SLC1A2: variants seen among roughly 807,000 people sequenced by gnomAD.
SLC1A2 encodes the protein excitatory amino acid transporter 2.
A neutral mutation model predicts 48.8 loss-of-function variants in SLC1A2; 15 were observed. The ratio of observed to expected loss-of-function variants is 0.31; its 90% CI spans 0.21 to 0.47. The LOEUF is 0.47. SLC1A2 is among the 20% of genes least tolerant of loss of function. SLC1A2 has a pLI of 0.99. For missense variants in SLC1A2, 502 were observed against 730.5 expected, an observed-to-expected ratio of 0.69 and a Z score of 3.61; for synonymous variants, 279 against 272.6, an observed-to-expected ratio of 1.02 and a Z score of -0.23.
chr11:35,333,348 C>G (rs1245711532), intron 1 of SLC1A2, among the ~76,000 whole-genome samples: 1 of 150,064 alleles, frequency 6.7e-6, no homozygotes, highest in African/African-American at 2.5e-5. Context: ...ACCTGGGAGG[C>G]GGAGGCAGCA....
At chr11:35,295,425 T>C (rs1851141429) in intron 6 of SLC1A2, among the ~76,000 whole-genome samples, 1 of 152,114 alleles carries the variant, frequency 6.6e-6, no homozygotes, top group South Asian at 2.1e-4. Flanking sequence ...TATCAATGAA[T>C]TACCTAATTG....
At chr11:35,407,100 A>G (rs983421400) in intron 1 of SLC1A2, among the ~76,000 whole-genome samples, 2 of 151,908 alleles carry the variant, frequency 1.3e-5, no homozygotes. Context: ...AAAAAAAAAA[A>G]CAGCAAGCAC....
At chr11:35,404,758 G>A (rs557153749) in intron 1 of SLC1A2, among the ~76,000 whole-genome samples, 2 of 152,290 alleles carry the variant, frequency 1.3e-5, no homozygotes, top group South Asian at 4.1e-4. Flanking sequence ...GAGTTTACTT[G>A]CCTTGAACCC....
At chr11:35,373,989 T>C (rs1164662504) in intron 1 of SLC1A2, among the ~76,000 whole-genome samples, 1 of 152,268 alleles carries the variant, frequency 6.6e-6, no homozygotes, top group African/African-American at 2.4e-5. Flanking sequence ...GTCTTAGCTG[T>C]GTGATCTTGA....
In SLC1A2 at chr11:35,255,698, C is replaced by T. The variant is rs1047220610; in HGVS notation, c.*5196G>A. On this transcript the variant is annotated 3_prime_UTR_variant, in exon 11 of 11. Coordinates refer to ENST00000278379, the MANE Select transcript of SLC1A2 (RefSeq NM_004171.4). The stretch of plus-strand genomic sequence containing the variant: ...CAATGATGCAACAGCTTGAGTGAGG[C>T]TGTAGGTTCATCCAGTCCTCTCATG... The T allele has an allele frequency of 6.6e-6, 1 of 152,204 alleles. No individual in the cohort carries two copies. The highest frequency in any genetic ancestry group is 6.5e-5 in the Admixed American group (1 of 15,282). 9.4% of individuals were successfully genotyped at this position (152,204 alleles called of 1,614,324 possible).
chr11:35,390,373 A>G (rs1340393343), intron 1 of SLC1A2, among the ~76,000 whole-genome samples: 1 of 152,138 alleles, frequency 6.6e-6, no homozygotes, highest in Non-Finnish European at 1.5e-5. Flanking sequence ...GATAGTTTCT[A>G]TTCTCCTCCA....
intron 1 of SLC1A2, among the ~76,000 whole-genome samples, chr11:35,327,249 G>C (rs1362430669): frequency 6.6e-6 from 1 of 151,828 alleles, no homozygotes; most frequent in Non-Finnish European, 1.5e-5. Context: ...TGCTAAACTT[G>C]AGCTAAAGTT....
Position 35,292,307 on chromosome 11 carries a change from A to C in SLC1A2, c.1071T>G (p.Thr357=). The C allele has an allele frequency of 1.2e-6, 2 of 1,613,560 alleles. No individual in the cohort carries two copies. The highest frequency in any genetic ancestry group is 1.7e-6 in the Non-Finnish European group (2 of 1,179,482). The stretch of plus-strand genomic sequence containing the variant: ...TCTACCTGGAAGCGGTGCCCAGGGC[A>C]GTGATCCAAGCTTGGAAAATGCCAG... The part of the protein sequence containing the change: ...FFAGIFQAWI[T]ALGTASSAGT... The change falls in exon 7 of 11, where the codon ACT becomes ACG. Residue 357 remains threonine (T), a synonymous_variant. Coordinates refer to ENST00000278379, the MANE Select transcript of SLC1A2 (RefSeq NM_004171.4).
intron 1 of SLC1A2, among the ~76,000 whole-genome samples, chr11:35,381,510 CCA>C (rs796517852): frequency 1.4e-4 from 22 of 152,222 alleles, no homozygotes; most frequent in African/African-American, 5.1e-4. Flanking sequence ...CCTAGACATC[CCA>C]GTTACCTTAC....
intron 1 of SLC1A2, among the ~76,000 whole-genome samples, chr11:35,346,932 G>T (rs1853059265): frequency 6.6e-6 from 1 of 152,244 alleles, no homozygotes; most frequent in African/African-American, 2.4e-5. Context: ...TAGGCAAGGA[G>T]CTGGGACTGG....
At chr11:35,383,369 T>C (rs897987748) in intron 1 of SLC1A2, among the ~76,000 whole-genome samples, 1 of 152,184 alleles carries the variant, frequency 6.6e-6, no homozygotes. Context: ...TAATGGTTAT[T>C]ATGAAAGAAA....
At position 35,255,636 on chromosome 11, in the gene SLC1A2, T is replaced by C. The variant is rs1179378600; in HGVS notation, c.*5258A>G. On this transcript the variant is annotated 3_prime_UTR_variant, in exon 11 of 11. Coordinates refer to ENST00000278379, the MANE Select transcript of SLC1A2 (RefSeq NM_004171.4). Reference sequence around the variant, plus strand: ...TAGAATTGTTGGAGAAAATTGTGTGTTTTGGGTATTCAGAGAGGGCTCTGT... The same window carrying C: ...TAGAATTGTTGGAGAAAATTGTGTGCTTTGGGTATTCAGAGAGGGCTCTGT... 1 of 152,158 alleles carries C rather than the reference T, an allele frequency of 6.6e-6. No homozygotes were observed. Among genetic ancestry groups the C allele is most frequent in the Admixed American group, 6.5e-5 (1 of 15,270 alleles). The allele number at this position is 152,158 out of a possible 1,614,324, so 9.4% of individuals were successfully genotyped here.
chr11:35,296,706 T>A (rs1238943326), intron 6 of SLC1A2, among the ~76,000 whole-genome samples: 1 of 152,124 alleles, frequency 6.6e-6, no homozygotes, highest in Non-Finnish European at 1.5e-5. Context: ...CTTCTTCCTC[T>A]TGGAATATTC....
intron 1 of SLC1A2, among the ~76,000 whole-genome samples, chr11:35,365,057 G>C (rs1853795778): frequency 6.6e-6 from 1 of 152,208 alleles, no homozygotes; most frequent in Non-Finnish European, 1.5e-5. Context: ...CTGTTTAACA[G>C]GTCAAGAAAC....
At chr11:35,363,538 T>C (rs1426284167) in intron 1 of SLC1A2, among the ~76,000 whole-genome samples, 1 of 151,862 alleles carries the variant, frequency 6.6e-6, no homozygotes, top group Non-Finnish European at 1.5e-5. Flanking sequence ...GGATACAAGT[T>C]CCCCCAGGGA....
At chr11:35,388,898 G>T (rs1854669264) in intron 1 of SLC1A2, among the ~76,000 whole-genome samples, 1 of 152,124 alleles carries the variant, frequency 6.6e-6, no homozygotes, top group Admixed American at 6.5e-5. Flanking sequence ...GCTAATCACT[G>T]GGTACACGTG....
intron 9 of SLC1A2, among the ~76,000 whole-genome samples, chr11:35,268,548 C>T (rs1850174374): frequency 6.6e-6 from 1 of 151,546 alleles, no homozygotes; most frequent in African/African-American, 2.4e-5. Flanking sequence ...ACCTATAATC[C>T]CAGATACTCA....
At chr11:35,307,749 C>A (rs1851558210) in intron 4 of SLC1A2, among the ~76,000 whole-genome samples, 1 of 152,198 alleles carries the variant, frequency 6.6e-6, no homozygotes, top group Non-Finnish European at 1.5e-5. Flanking sequence ...CTATAGGGAC[C>A]CAATCCTACT....
At chr11:35,367,160 C>T (rs940093978) in intron 1 of SLC1A2, among the ~76,000 whole-genome samples, 2 of 152,198 alleles carry the variant, frequency 1.3e-5, no homozygotes, top group Admixed American at 6.5e-5. Context: ...TGTGGAGTTT[C>T]TTTGTAATGC....
Sources: gnomAD v4.1 joint callset for allele counts (sites outside exome capture counted in the v4.1 genomes callset) on GRCh38, gnomAD v4.1.1 for gene constraint, MANE v1.5 for transcripts, NCBI Gene and HGNC (gene_info 2026-07-23, HGNC 2026-07-21) for gene names.